NR2F1-AS1: variants seen among roughly 807,000 people sequenced by gnomAD.
NR2F1-AS1 encodes NR2F1 antisense RNA 1.
At chr5:93,548,978 T>C (rs115785023) in intron 4 of NR2F1-AS1, among the ~76,000 whole-genome samples, 3,778 of 152,328 alleles carry the variant, frequency 0.025, 77 homozygotes, top group South Asian at 0.055. Flanking sequence ...GTTAAAAACA[T>C]ATTTGGAGGA....
intron 4 of NR2F1-AS1, among the ~76,000 whole-genome samples, chr5:93,426,043 A>ATT (rs371175585): frequency 4.8e-5 from 7 of 145,364 alleles, no homozygotes; most frequent in African/African-American, 1.0e-4. Flanking sequence ...ATCTCACCTA[A>ATT]TTTTTTTTTT....
intron 4 of NR2F1-AS1, among the ~76,000 whole-genome samples, chr5:93,533,946 T>C (rs927148934): frequency 1.3e-5 from 2 of 151,954 alleles, no homozygotes; most frequent in African/African-American, 4.8e-5. Context: ...CTGGCCAACA[T>C]AGTGAAACTG....
chr5:93,577,044 A>G (rs527959923), intron 1 of NR2F1-AS1, among the ~76,000 whole-genome samples: 1 of 152,224 alleles, frequency 6.6e-6, no homozygotes, highest in Admixed American at 6.5e-5. Context: ...AAAAGTAAAT[A>G]TTTGGCTCTA....
chr5:93,537,699 C>G (rs1411579325), intron 4 of NR2F1-AS1, among the ~76,000 whole-genome samples: 3 of 152,060 alleles, frequency 2.0e-5, no homozygotes, highest in Non-Finnish European at 2.9e-5. Context: ...ACACTGTTAA[C>G]AGGATTGTAA....
intron 1 of NR2F1-AS1, chr5:93,570,803 GC>G (rs1229433038): frequency 6.6e-6 from 1 of 152,150 alleles, no homozygotes; most frequent in Non-Finnish European, 1.5e-5. Context: ...CGACCTCCCG[GC>G]AGCCAACCCC....
intron 4 of NR2F1-AS1, among the ~76,000 whole-genome samples, chr5:93,411,904 T>C (rs1018542237): frequency 2.6e-5 from 4 of 152,156 alleles, no homozygotes; most frequent in Non-Finnish European, 4.4e-5. Flanking sequence ...TGTGGCACCA[T>C]ATGGATGGCT....
chr5:93,508,161 C>T (rs1467866627), intron 4 of NR2F1-AS1, among the ~76,000 whole-genome samples: 1 of 152,076 alleles, frequency 6.6e-6, no homozygotes, highest in Non-Finnish European at 1.5e-5. Context: ...AAATAAGATA[C>T]TTTTTAAGAA....
chr5:93,425,275 G>C (rs1005905883), intron 4 of NR2F1-AS1, among the ~76,000 whole-genome samples: 2 of 152,122 alleles, frequency 1.3e-5, no homozygotes, highest in Admixed American at 1.3e-4. Context: ...TTAGCAGTTC[G>C]ATGACTGCTG....
At chr5:93,427,433 A>G (rs906471324) in intron 4 of NR2F1-AS1, among the ~76,000 whole-genome samples, 1 of 152,194 alleles carries the variant, frequency 6.6e-6, no homozygotes, top group Non-Finnish European at 1.5e-5. Context: ...ACACTTCTGC[A>G]CTTCGGGAGC....
At chr5:93,443,654 A>G (rs1321354433) in intron 4 of NR2F1-AS1, among the ~76,000 whole-genome samples, 1 of 152,246 alleles carries the variant, frequency 6.6e-6, no homozygotes. Flanking sequence ...GAACTTCCCC[A>G]ATCTAGAAAG....
chr5:93,493,342 G>GACAT (rs1182100484), intron 4 of NR2F1-AS1, among the ~76,000 whole-genome samples: 1 of 151,852 alleles, frequency 6.6e-6, no homozygotes, highest in Non-Finnish European at 1.5e-5. Context: ...GGAAGTGAAA[G>GACAT]ACATACACTG....
intron 4 of NR2F1-AS1, among the ~76,000 whole-genome samples, chr5:93,509,897 T>C (rs1751261605): frequency 6.6e-6 from 1 of 151,966 alleles, no homozygotes; most frequent in Non-Finnish European, 1.5e-5. Flanking sequence ...ACCCAAGAGA[T>C]CAACTATCTT....
chr5:93,566,798 A>G (rs1223535377), intron 1 of NR2F1-AS1, among the ~76,000 whole-genome samples: 1 of 152,016 alleles, frequency 6.6e-6, no homozygotes, highest in African/African-American at 2.4e-5. Context: ...TTAAAATGCT[A>G]TTCATTACAA....
rs1580243927 is a variant in NR2F1-AS1, at chr5:93,459,917, G to A, written n.639-64375C>T. ...AAGGAGCCACTATGAAGCTCCAGCTGATTCTACCATATGAAAATGCTGCAA... is the reference window on the plus strand; with the variant it reads ...AAGGAGCCACTATGAAGCTCCAGCTAATTCTACCATATGAAAATGCTGCAA... On this transcript the variant is annotated intron_variant and non_coding_transcript_variant, in intron 4 of 5. Transcript: ENST00000660523. Among the ~76,000 whole-genome samples the A allele has an allele frequency of 2.6e-5, 4 of 152,154 alleles. No individual in the cohort carries two copies. In the East Asian group the frequency reaches 7.7e-4, roughly 29 times the overall value.
At chr5:93,508,115 G>C (rs1413395663) in intron 4 of NR2F1-AS1, among the ~76,000 whole-genome samples, 1 of 152,136 alleles carries the variant, frequency 6.6e-6, no homozygotes, top group East Asian at 1.9e-4. Context: ...ACTTGACAAT[G>C]TGACCCTATA....
Position 93,487,971 on chromosome 5 carries a change from G to A in NR2F1-AS1, n.638+65790C>T, listed in dbSNP as rs530825025. On this transcript the variant is annotated intron_variant and non_coding_transcript_variant, in intron 4 of 5. Transcript: ENST00000660523. ...CAACCATCTGATCTTTGACAAGGTT[G>A]ACAAAAACAAGCAATGTGGAAAGGA... Among the ~76,000 whole-genome samples the A allele has an allele frequency of 2.6e-5, 4 of 152,286 alleles. No individual in the cohort carries two copies. The East Asian group carries it at 5.8e-4, about 22-fold the overall frequency.
chr5:93,537,899 T>G (rs532945411), intron 4 of NR2F1-AS1, among the ~76,000 whole-genome samples: 2 of 152,294 alleles, frequency 1.3e-5, no homozygotes, highest in South Asian at 4.1e-4. Context: ...TGTCTGGAAT[T>G]TGCACATTTT....
intron 4 of NR2F1-AS1, among the ~76,000 whole-genome samples, chr5:93,546,029 G>T (rs1366181217): frequency 6.6e-6 from 1 of 152,202 alleles, no homozygotes; most frequent in Non-Finnish European, 1.5e-5. Context: ...CGGACAGACT[G>T]AGTTTGAGTT....
intron 4 of NR2F1-AS1, among the ~76,000 whole-genome samples, chr5:93,461,230 G>T (rs1314659791): frequency 6.6e-6 from 1 of 152,160 alleles, no homozygotes; most frequent in Non-Finnish European, 1.5e-5. Context: ...ACTAACAGAG[G>T]AACACAAATC....
Sources: gnomAD v4.1 joint callset for allele counts (sites outside exome capture counted in the v4.1 genomes callset) on GRCh38, gnomAD v4.1.1 for gene constraint, MANE v1.5 for transcripts, NCBI Gene and HGNC (gene_info 2026-07-23, HGNC 2026-07-21) for gene names.